The following NEGR1 variants were observed in gnomAD, a reference collection of about 807,000 sequenced individuals.
NEGR1 encodes IgLON family member 4.
A neutral mutation model predicts 40.9 loss-of-function variants in NEGR1; 10 were observed. The ratio of observed to expected loss-of-function variants is 0.24; its 90% CI spans 0.15 to 0.42. NEGR1 has a LOEUF of 0.42. NEGR1 is among the 10% of genes least tolerant of loss of function. NEGR1 has a pLI of 1.00. For synonymous variants in NEGR1, 185 were observed against 166.8 expected, an observed-to-expected ratio of 1.11 and a Z score of -0.84; for missense variants, 352 against 438.9, an observed-to-expected ratio of 0.80 and a Z score of 1.77.
intron 2 of NEGR1, among the ~76,000 whole-genome samples, chr1:71,852,889 GAAAGAATGGTAAAACT>G (rs145347465): frequency 0.021 from 3,115 of 151,528 alleles, 66 homozygotes; most frequent in South Asian, 0.1. Flanking sequence ...AAAAAAAAGA[GAAAGAATGGTAAAACT>G]AAAGAATGGA....
At chr1:71,739,621 T>C (rs1246481852) in intron 3 of NEGR1, among the ~76,000 whole-genome samples, 1 of 152,080 alleles carries the variant, frequency 6.6e-6, no homozygotes, top group South Asian at 2.1e-4. Context: ...TTAAAAAAAA[T>C]TCTAGGAGTA....
intron 6 of NEGR1, among the ~76,000 whole-genome samples, chr1:71,431,493 G>T (rs1646468041): frequency 6.6e-6 from 1 of 151,976 alleles, no homozygotes; most frequent in South Asian, 2.1e-4. Flanking sequence ...TTTATCTGAA[G>T]GAAAGAGGAT....
At chr1:71,846,824 G>A (rs1263529472) in intron 2 of NEGR1, among the ~76,000 whole-genome samples, 3 of 152,068 alleles carry the variant, frequency 2.0e-5, no homozygotes, top group Non-Finnish European at 1.5e-5. Flanking sequence ...GTGCCTCTTT[G>A]ATAAATGCAC....
At chr1:72,242,144 T>C (rs1351709018) in intron 1 of NEGR1, among the ~76,000 whole-genome samples, 12 of 151,776 alleles carry the variant, frequency 7.9e-5, no homozygotes, top group Admixed American at 6.6e-4. Context: ...TAAATTATTA[T>C]TCTTGTTATG....
intron 2 of NEGR1, among the ~76,000 whole-genome samples, chr1:71,833,493 G>A (rs1557670011): frequency 1.3e-5 from 2 of 152,028 alleles, no homozygotes; most frequent in African/African-American, 4.8e-5. Flanking sequence ...TTTCTGGGGG[G>A]AAAAAAGTAT....
At chr1:71,664,862 G>A (rs1396158499) in intron 4 of NEGR1, among the ~76,000 whole-genome samples, 4 of 152,026 alleles carry the variant, frequency 2.6e-5, no homozygotes, top group African/African-American at 7.2e-5. Context: ...GCTGCCATTT[G>A]GACTTACTTT....
chr1:72,110,899 C>T (rs76438440), intron 1 of NEGR1, among the ~76,000 whole-genome samples: 2,844 of 151,362 alleles, frequency 0.019, 105 homozygotes, highest in African/African-American at 0.065. Context: ...AAGATACAGT[C>T]AGTCAAAAAA....
chr1:71,628,581 C>T (rs1650865579), intron 4 of NEGR1, among the ~76,000 whole-genome samples: 1 of 151,762 alleles, frequency 6.6e-6, no homozygotes, highest in Non-Finnish European at 1.5e-5. Context: ...CACCCCCTGA[C>T]AGGCCCCGTC....
At chr1:71,941,364 T>C (rs963721822) in intron 1 of NEGR1, among the ~76,000 whole-genome samples, 2 of 152,184 alleles carry the variant, frequency 1.3e-5, no homozygotes, top group Admixed American at 6.6e-5. Flanking sequence ...CTCTTCTTGA[T>C]ATCTTTCATG....
At chr1:71,936,270 G>A (rs1383612107) in intron 1 of NEGR1, among the ~76,000 whole-genome samples, 1 of 152,038 alleles carries the variant, frequency 6.6e-6, no homozygotes, top group Non-Finnish European at 1.5e-5. Context: ...GCTTGTTTTT[G>A]CAATTTATTG....
At chr1:72,276,968 A>T (rs751030492) in intron 1 of NEGR1, among the ~76,000 whole-genome samples, 2 of 152,162 alleles carry the variant, frequency 1.3e-5, no homozygotes, top group Non-Finnish European at 2.9e-5. Context: ...TGAAGGAATA[A>T]AGGGATAAAG....
chr1:71,509,197 G>A (rs1281632049), intron 6 of NEGR1, among the ~76,000 whole-genome samples: 3 of 152,142 alleles, frequency 2.0e-5, no homozygotes, highest in East Asian at 1.9e-4. Context: ...AAGTGGTTCC[G>A]TTTCCCCTAG....
chr1:72,132,579 T>C lies in NEGR1; in HGVS notation c.176+149740A>G, dbSNP rs572835043. Reference sequence around the variant, plus strand: ...ATTTTTTGAAATGACATTTCTTTAATAAATATGATACTGCTATTTGTGCAC... The same window carrying C: ...ATTTTTTGAAATGACATTTCTTTAACAAATATGATACTGCTATTTGTGCAC... On this transcript the variant is annotated intron_variant, in intron 1 of 6. Coordinates refer to ENST00000357731, the MANE Select transcript of NEGR1 (RefSeq NM_173808.3). Among the ~76,000 whole-genome samples the C allele has an allele frequency of 2.6e-5, 4 of 152,314 alleles. No homozygotes were observed. In the South Asian group the frequency reaches 8.3e-4, roughly 32 times the overall value.
chr1:71,806,716 A>C (rs1202877141), intron 2 of NEGR1, among the ~76,000 whole-genome samples: 1 of 152,126 alleles, frequency 6.6e-6, no homozygotes, highest in African/African-American at 2.4e-5. Context: ...TATTCTAATA[A>C]AAATTTAAAA....
chr1:71,954,124 G>A (rs865957008), intron 1 of NEGR1, among the ~76,000 whole-genome samples: 6 of 151,920 alleles, frequency 3.9e-5, no homozygotes, highest in Non-Finnish European at 7.4e-5. Flanking sequence ...ATCATTTAGC[G>A]TTAGAAAAGA....
At chr1:72,104,573 T>G (rs1007876213) in intron 1 of NEGR1, among the ~76,000 whole-genome samples, 2 of 152,096 alleles carry the variant, frequency 1.3e-5, no homozygotes, top group Non-Finnish European at 2.9e-5. Flanking sequence ...CTCCATAACT[T>G]TAAGATAATA....
intron 2 of NEGR1, among the ~76,000 whole-genome samples, chr1:71,862,931 T>G (rs1659995250): frequency 6.6e-6 from 1 of 152,062 alleles, no homozygotes; most frequent in South Asian, 2.1e-4. Context: ...TGCTGATTAT[T>G]AAAAAGTCAA....
intron 1 of NEGR1, among the ~76,000 whole-genome samples, chr1:72,277,046 T>C (rs569737130): frequency 6.6e-6 from 1 of 152,052 alleles, no homozygotes; most frequent in African/African-American, 2.4e-5. Context: ...CAGTGGGAGA[T>C]GAATACAGTG....
At chr1:71,850,992 A>G (rs576996367) in intron 2 of NEGR1, among the ~76,000 whole-genome samples, 14 of 152,276 alleles carry the variant, frequency 9.2e-5, no homozygotes, top group Admixed American at 2.6e-4. Context: ...ACCTGTATTT[A>G]TCAAAATCAT....
Sources: gnomAD v4.1 joint callset for allele counts (sites outside exome capture counted in the v4.1 genomes callset) on GRCh38, gnomAD v4.1.1 for gene constraint, MANE v1.5 for transcripts, NCBI Gene and HGNC (gene_info 2026-07-23, HGNC 2026-07-21) for gene names.